The following KIAA1958 variants were observed in gnomAD, a reference collection of about 807,000 sequenced individuals.
KIAA1958 encodes the protein uncharacterized protein KIAA1958.
In KIAA1958, 14 loss-of-function variants were observed where a neutral mutation model predicts 47.2. The observed-to-expected ratio is 0.30, with a 90% CI of 0.20 to 0.46. The LOEUF is 0.46. Ranked by LOEUF, KIAA1958 falls within the 20% of genes least tolerant of loss-of-function variation. KIAA1958 has a pLI of 1.00. For missense variants in KIAA1958, 803 were observed against 909.2 expected, an observed-to-expected ratio of 0.88 and a Z score of 1.50; for synonymous variants, 354 against 353.3, an observed-to-expected ratio of 1.00 and a Z score of -0.02.
intron 1 of KIAA1958, among the ~76,000 whole-genome samples, chr9:112,487,901 G>T (rs1030550990): frequency 2.0e-5 from 3 of 150,344 alleles, no homozygotes; most frequent in African/African-American, 7.4e-5. Flanking sequence ...TAAAAAAAAT[G>T]AACGTGGCTG....
At chr9:112,578,577 C>T (rs1190618967) in intron 2 of KIAA1958, among the ~76,000 whole-genome samples, 2 of 152,116 alleles carry the variant, frequency 1.3e-5, no homozygotes, top group African/African-American at 2.4e-5. Context: ...TTTACTGTTG[C>T]CATTTAAATT....
At chr9:112,497,419 G>A (rs748799366) in intron 1 of KIAA1958, among the ~76,000 whole-genome samples, 1 of 152,164 alleles carries the variant, frequency 6.6e-6, no homozygotes, top group Admixed American at 6.5e-5. Context: ...GAAGGAAACA[G>A]CAAGGAGGAG....
At chr9:112,635,767 C>T (rs1289294187) in intron 2 of KIAA1958, among the ~76,000 whole-genome samples, 6 of 149,764 alleles carry the variant, frequency 4.0e-5, no homozygotes, top group Non-Finnish European at 7.4e-5. Context: ...ATAATTTGTG[C>T]CTTCTCTCTT....
At chr9:112,499,554 T>C (rs1834098470) in intron 1 of KIAA1958, among the ~76,000 whole-genome samples, 1 of 152,138 alleles carries the variant, frequency 6.6e-6, no homozygotes, top group Admixed American at 6.5e-5. Context: ...CCTATGATAA[T>C]ATTTTGCTTA....
intron 2 of KIAA1958, among the ~76,000 whole-genome samples, chr9:112,604,664 G>C (rs1429483370): frequency 2.0e-5 from 3 of 152,230 alleles, no homozygotes; most frequent in Non-Finnish European, 4.4e-5. Flanking sequence ...TAACGTAAAT[G>C]CAAGTTCTAG....
At chr9:112,500,911 A>G (rs559262225) in intron 1 of KIAA1958, among the ~76,000 whole-genome samples, 1 of 151,600 alleles carries the variant, frequency 6.6e-6, no homozygotes, top group South Asian at 2.1e-4. Flanking sequence ...GAATTTCAAG[A>G]TCAGCCTGGG....
chr9:112,549,997 C>G (rs951314115), intron 1 of KIAA1958, among the ~76,000 whole-genome samples: 1 of 152,146 alleles, frequency 6.6e-6, no homozygotes, highest in East Asian at 1.9e-4. Flanking sequence ...GCAGCATTTG[C>G]AAAGATCTAC....
intron 1 of KIAA1958, among the ~76,000 whole-genome samples, chr9:112,543,337 A>G (rs1834974923): frequency 6.6e-6 from 1 of 152,174 alleles, no homozygotes; most frequent in African/African-American, 2.4e-5. Context: ...TGGACTTAAC[A>G]TTTTATGGGC....
chr9:112,582,782 C>T (rs1448698012), intron 2 of KIAA1958, among the ~76,000 whole-genome samples: 1 of 151,512 alleles, frequency 6.6e-6, no homozygotes, highest in African/African-American at 2.4e-5. Context: ...AGCTTCTGTT[C>T]AGTACCCACT....
At chr9:112,507,122 T>G (rs752519383) in intron 1 of KIAA1958, among the ~76,000 whole-genome samples, 6 of 131,864 alleles carry the variant, frequency 4.6e-5, no homozygotes, top group Non-Finnish European at 9.6e-5. Context: ...GCCATACATT[T>G]ACAGAGACCC....
intron 2 of KIAA1958, among the ~76,000 whole-genome samples, chr9:112,644,489 A>T (rs1269785929): frequency 1.3e-5 from 2 of 152,184 alleles, no homozygotes; most frequent in Non-Finnish European, 2.9e-5. Flanking sequence ...GAACTATTAG[A>T]TGAAGTGTTT....
chr9:112,526,691 A>T (rs181361289), intron 1 of KIAA1958, among the ~76,000 whole-genome samples: 1 of 152,298 alleles, frequency 6.6e-6, no homozygotes, highest in African/African-American at 2.4e-5. Context: ...AGAGAGCAAG[A>T]TGGGGATAAA....
rs778017127 is a variant in KIAA1958 at position 112,659,500 on chromosome 9, C to T, written c.1582C>T (p.Arg528Cys). 9 of 1,613,392 alleles carry T rather than the reference C, an allele frequency of 5.6e-6. No homozygotes were observed. The highest frequency in any genetic ancestry group is 2.7e-5 in the African/African-American group (2 of 74,884). ...GGCAGGCATGTCGGGCGCGCGTTCT[C>T]GCAACATCGTCTACTTCTCCCTTTC... ...SKAGMSGARS[R>C]NIVYFSLSDE... is the part of the protein sequence containing the mutation. Residue 528 changes from arginine (R) to cysteine (C), a missense_variant, in exon 4 of 4, where the codon CGC (arginine) becomes TGC (cysteine). By Grantham distance (180) the Arg-to-Cys change is radical (BLOSUM62 -3). Coordinates refer to ENST00000337530, the MANE Select transcript of KIAA1958 (RefSeq NM_133465.4).
chr9:112,508,937 A>G (rs959900474), intron 1 of KIAA1958, among the ~76,000 whole-genome samples: 1 of 152,230 alleles, frequency 6.6e-6, no homozygotes, highest in African/African-American at 2.4e-5. Flanking sequence ...GAGCAAACAT[A>G]GCCTGCATTT....
intron 3 of KIAA1958, among the ~76,000 whole-genome samples, chr9:112,649,259 G>C (rs539084929): frequency 6.6e-6 from 1 of 152,036 alleles, no homozygotes; most frequent in Admixed American, 6.5e-5. Flanking sequence ...CTGGGCTCAA[G>C]TGGTCCTTCC....
intron 2 of KIAA1958, among the ~76,000 whole-genome samples, chr9:112,627,430 A>G (rs1043665126): frequency 1.1e-4 from 16 of 152,212 alleles, no homozygotes; most frequent in Non-Finnish European, 2.1e-4. Context: ...TTTGTTGGCT[A>G]TCATGGCTTA....
intron 1 of KIAA1958, among the ~76,000 whole-genome samples, chr9:112,551,963 C>T (rs1042256610): frequency 6.6e-6 from 1 of 152,190 alleles, no homozygotes; most frequent in Non-Finnish European, 1.5e-5. Context: ...TTATGTTCAT[C>T]CTACTTGTAT....
At chr9:112,609,025 CTGT>C (rs1836281621) in intron 2 of KIAA1958, among the ~76,000 whole-genome samples, 1 of 152,198 alleles carries the variant, frequency 6.6e-6, no homozygotes, top group Non-Finnish European at 1.5e-5. Context: ...CAGCCTCTGG[CTGT>C]TGTTTTTCTG....
At chr9:112,501,023 C>CTGAA (rs1215100558) in intron 1 of KIAA1958, among the ~76,000 whole-genome samples, 1 of 151,228 alleles carries the variant, frequency 6.6e-6, no homozygotes, top group African/African-American at 2.4e-5. Context: ...AGGTGGGAGG[C>CTGAA]TGAAGTGGGA....
Sources: gnomAD v4.1 joint callset for allele counts (sites outside exome capture counted in the v4.1 genomes callset) on GRCh38, gnomAD v4.1.1 for gene constraint, MANE v1.5 for transcripts, NCBI Gene and HGNC (gene_info 2026-07-23, HGNC 2026-07-21) for gene names.